MMP16: variants seen among roughly 807,000 people sequenced by gnomAD.
The protein encoded by MMP16 is matrix metalloproteinase-16.
In MMP16, 12 loss-of-function variants were observed where a neutral mutation model predicts 67.8. The ratio of observed to expected loss-of-function variants is 0.18; its 90% confidence interval spans 0.11 to 0.29. The LOEUF (loss-of-function observed/expected upper bound fraction) is 0.29, where lower values mean the gene tolerates loss of function less well. Among genes scored for constraint, MMP16 ranks in the 10% least tolerant of loss-of-function variants. The pLI is 1.00. For synonymous variants in MMP16, 249 were observed against 255.9 expected, an observed-to-expected ratio of 0.97 and a Z score of 0.26; for missense variants, 475 against 765.7, an observed-to-expected ratio of 0.62 and a Z score of 4.48.
At chr8:88,062,798 A>C (rs1808417018) in intron 7 of MMP16, among the ~76,000 whole-genome samples, 1 of 152,148 alleles carries the variant, frequency 6.6e-6, no homozygotes, top group African/African-American at 2.4e-5. Context: ...CTACAACTTA[A>C]AGTATAATAA....
chr8:88,060,941 G>T (rs1808391056), intron 7 of MMP16, among the ~76,000 whole-genome samples: 1 of 151,950 alleles, frequency 6.6e-6, no homozygotes. Flanking sequence ...GCATTAGTTT[G>T]GAATCTTGTT....
intron 4 of MMP16, among the ~76,000 whole-genome samples, chr8:88,153,321 C>T (rs1808443044): frequency 6.6e-6 from 1 of 152,170 alleles, no homozygotes; most frequent in Non-Finnish European, 1.5e-5. Flanking sequence ...ATGCCGTCCC[C>T]ATCAAGCTAC....
At chr8:88,247,291 CCACAGGAATCATTTCT>C (rs1354645225) in intron 1 of MMP16, among the ~76,000 whole-genome samples, 12 of 151,982 alleles carry the variant, frequency 7.9e-5, no homozygotes, top group Non-Finnish European at 1.3e-4. Flanking sequence ...TATAAATATT[CCACAGGAATCATTTCT>C]ACTGTCTAGC....
At chr8:88,289,808 A>G (rs1473554894) in intron 1 of MMP16, among the ~76,000 whole-genome samples, 1 of 151,108 alleles carries the variant, frequency 6.6e-6, no homozygotes, top group East Asian at 1.9e-4. Context: ...AAAAAAAAGG[A>G]AAAAAAAATT....
chr8:88,213,986 C>T (rs1030377128), intron 1 of MMP16, among the ~76,000 whole-genome samples: 1 of 152,106 alleles, frequency 6.6e-6, no homozygotes, highest in African/African-American at 2.4e-5. Flanking sequence ...AGTAATTCAA[C>T]CTCTCTGATT....
chr8:88,147,006 T>C (rs1808304234), intron 4 of MMP16, among the ~76,000 whole-genome samples: 1 of 152,022 alleles, frequency 6.6e-6, no homozygotes, highest in Admixed American at 6.6e-5. Context: ...TATTATAAAC[T>C]ACAGATAGTA....
chr8:88,291,519 T>C (rs1331486004), intron 1 of MMP16, among the ~76,000 whole-genome samples: 1 of 152,162 alleles, frequency 6.6e-6, no homozygotes, highest in Non-Finnish European at 1.5e-5. Flanking sequence ...AGTCTAATGA[T>C]CATTGTTCAC....
chr8:88,133,716 C>T (rs1808071667), intron 4 of MMP16, among the ~76,000 whole-genome samples: 1 of 151,738 alleles, frequency 6.6e-6, no homozygotes, highest in African/African-American at 2.4e-5. Context: ...AAATACAACA[C>T]TTAGAACCTG....
At chr8:88,063,395 G>T (rs1808425659) in intron 7 of MMP16, among the ~76,000 whole-genome samples, 1 of 151,412 alleles carries the variant, frequency 6.6e-6, no homozygotes, top group Admixed American at 6.6e-5. Context: ...CAGACTAGCA[G>T]AGAAAATAGA....
At chr8:88,230,195 G>A (rs1033515096) in intron 1 of MMP16, among the ~76,000 whole-genome samples, 1 of 152,002 alleles carries the variant, frequency 6.6e-6, no homozygotes, top group African/African-American at 2.4e-5. Context: ...CTTATTGCCA[G>A]GCTACACCCC....
chr8:88,297,397 C>G (rs1420140636), intron 1 of MMP16, among the ~76,000 whole-genome samples: 1 of 152,112 alleles, frequency 6.6e-6, no homozygotes. Context: ...GAGAACTGCC[C>G]TTTGTAGGTA....
intron 1 of MMP16, among the ~76,000 whole-genome samples, chr8:88,224,703 T>C (rs927071394): frequency 2.0e-5 from 3 of 152,004 alleles, no homozygotes; most frequent in Non-Finnish European, 4.4e-5. Flanking sequence ...TCTACTTTTA[T>C]GACAAGTTTA....
chr8:88,209,285 T>C (rs1008795685), intron 1 of MMP16, among the ~76,000 whole-genome samples: 1 of 152,234 alleles, frequency 6.6e-6, no homozygotes, highest in Non-Finnish European at 1.5e-5. Context: ...CTCCTCCACA[T>C]ACTCAAAGTG....
intron 7 of MMP16, among the ~76,000 whole-genome samples, chr8:88,061,051 A>T (rs1209282542): frequency 6.6e-6 from 1 of 151,820 alleles, no homozygotes; most frequent in African/African-American, 2.4e-5. Context: ...TTAAGTGATT[A>T]TATTTAACCA....
chr8:88,116,827 C>A, intron 5 of MMP16, 109 bp from the exon 6 acceptor site: 1 of 951,030 alleles, frequency 1.1e-6, no homozygotes, highest in Non-Finnish European at 1.6e-6. Flanking sequence ...ACTAACTGAA[C>A]TAAGAGGTCT....
intron 3 of MMP16, among the ~76,000 whole-genome samples, chr8:88,178,273 G>A (rs1336737434): frequency 6.6e-6 from 1 of 152,122 alleles, no homozygotes; most frequent in Non-Finnish European, 1.5e-5. Context: ...GTTTCAGAAT[G>A]AGAATTCATA....
At chr8:88,118,679 A>G in intron 5 of MMP16, 21 bp downstream of exon 5, 1 of 1,606,310 alleles carries the variant, frequency 6.2e-7, no homozygotes, top group Non-Finnish European at 8.5e-7. Flanking sequence ...GATTAAGCAA[A>G]TTGAAACAGT....
At chr8:88,278,394 C>T (rs1421947293) in intron 1 of MMP16, among the ~76,000 whole-genome samples, 3 of 152,150 alleles carry the variant, frequency 2.0e-5, no homozygotes, top group Admixed American at 2.0e-4. Flanking sequence ...AATACCGGTG[C>T]TGCAATATTT....
chr8:88,081,894 GT>G (rs1808757193), intron 6 of MMP16, among the ~76,000 whole-genome samples: 1 of 152,086 alleles, frequency 6.6e-6, no homozygotes, highest in Non-Finnish European at 1.5e-5. Flanking sequence ...CATGTATACA[GT>G]AGCTGTTTTT....
Sources: gnomAD v4.1 joint callset for allele counts (sites outside exome capture counted in the v4.1 genomes callset) on GRCh38, gnomAD v4.1.1 for gene constraint, MANE v1.5 for transcripts, NCBI Gene and HGNC (gene_info 2026-07-23, HGNC 2026-07-21) for gene names.